The following SUPT20H variants were observed in gnomAD, a reference collection of about 807,000 sequenced individuals.
SUPT20H encodes transcription factor SPT20 homolog.
A neutral mutation model predicts 122.8 loss-of-function variants in SUPT20H; 82 were observed. That is an observed-to-expected ratio of 0.67 (90% CI 0.56 to 0.80). SUPT20H has a LOEUF of 0.80. Among genes scored for constraint, SUPT20H ranks in the 30% least tolerant of loss-of-function variants. The pLI is 0.00. For missense variants in SUPT20H, 831 were observed against 921.6 expected, an observed-to-expected ratio of 0.90 and a Z score of 1.27; for synonymous variants, 291 against 313.0, an observed-to-expected ratio of 0.93 and a Z score of 0.74.
Position 37,021,464 on chromosome 13 carries a change from C to CTGCATTGCACTGGGCAGTGCA in SUPT20H, c.1779_1799dup (p.Met599_Gln600insHisAlaLeuProSerAlaMet). Reference sequence around the variant, plus strand: ...CATTCTGACCTGCTTGAGAAGCTGCCTGCATTGCACTGGGCAGTGCATTTG... The same window carrying CTGCATTGCACTGGGCAGTGCA: ...CATTCTGACCTGCTTGAGAAGCTGCCTGCATTGCACTGGGCAGTGCATGCATTGCACTGGGCAGTGCATTTG... On this transcript the variant is annotated inframe_insertion, in exon 21 of 26. Coordinates refer to ENST00000350612, the MANE Select transcript of SUPT20H (RefSeq NM_001014286.3). 1 of 1,607,416 alleles carries CTGCATTGCACTGGGCAGTGCA rather than the reference C, an allele frequency of 6.2e-7. No homozygotes were observed. The highest frequency in any genetic ancestry group is 2.2e-5 in the East Asian group (1 of 44,748).
intron 17 of SUPT20H, 38 bp downstream of exon 17, chr13:37,025,282 A>G (rs755920964): frequency 2.0e-5 from 30 of 1,479,660 alleles, no homozygotes; most frequent in Non-Finnish European, 2.7e-5. Context: ...TACTTGTGAA[A>G]CAACTGGGCA....
At chr13:37,048,636 T>G in intron 2 of SUPT20H, 37 bp from the exon 3 acceptor site, 1 of 1,552,810 alleles carries the variant, frequency 6.4e-7, no homozygotes, top group Non-Finnish European at 8.7e-7. Flanking sequence ...TAATATTAGT[T>G]ATTTCCACAA....
intron 24 of SUPT20H, 41 bp from the exon 25 acceptor site, chr13:37,010,696 T>C (rs1243154726): frequency 1.3e-6 from 2 of 1,506,792 alleles, no homozygotes; most frequent in Non-Finnish European, 9.2e-7. Flanking sequence ...GTCAAAAAGT[T>C]TGAAGGCTAC....
chr13:37,021,613 A>G lies in SUPT20H; in HGVS notation c.1662-11T>C, dbSNP rs2061465619. 1.2e-6 allele frequency: 2 copies of G among 1,606,312 alleles called. No homozygotes were observed. The highest frequency in any genetic ancestry group is 2.2e-5 in the East Asian group (1 of 44,762). ...AAAGCCTGGGCCCCACTGCAGGAGAATAAGACAAAGCATTAAACTTCACTG... is the reference window on the plus strand; with the variant it reads ...AAAGCCTGGGCCCCACTGCAGGAGAGTAAGACAAAGCATTAAACTTCACTG... On this transcript the variant is annotated splice_polypyrimidine_tract_variant and intron_variant, in intron 20 of 25. Transcript: ENST00000350612.
intron 16 of SUPT20H, 22 bp downstream of exon 16, chr13:37,026,182 T>C: frequency 7.1e-6 from 11 of 1,558,836 alleles, no homozygotes; most frequent in Non-Finnish European, 9.5e-6. Context: ...CTGACCAAAA[T>C]AAGAGATGCA....
At chr13:37,046,676 A>G (rs936864262) in intron 5 of SUPT20H, among the ~76,000 whole-genome samples, 1 of 152,138 alleles carries the variant, frequency 6.6e-6, no homozygotes, top group African/African-American at 2.4e-5. Context: ...CACTGACATG[A>G]TGAATATGTA....
At chr13:37,029,613 G>T (rs142185725) in intron 13 of SUPT20H, 152 bp downstream of exon 13, 5 of 574,854 alleles carry the variant, frequency 8.7e-6, no homozygotes, top group Non-Finnish European at 1.5e-5. Flanking sequence ...CAAAATAGTT[G>T]TTTCTTCTTG....
At position 37,051,848 on chromosome 13, in the gene SUPT20H, C is replaced by T. The variant is rs150878516; in HGVS notation, c.-93-265G>A. Among the ~76,000 whole-genome samples the T allele has an allele frequency of 1.3e-3, 200 of 152,272 alleles. 1 individual carries two copies. Among genetic ancestry groups the T allele is most frequent in the African/African-American group, 4.6e-3 (193 of 41,550 alleles). ...TACTCCTTTTCTCAAAAATACTTAA[C>T]ATCTCCAGAGAGAAAAAAAATACAT... On this transcript the variant is annotated intron_variant, in intron 1 of 25. Transcript: ENST00000350612.
intron 24 of SUPT20H, among the ~76,000 whole-genome samples, chr13:37,011,527 CCTA>C (rs1339163508): frequency 3.3e-5 from 5 of 152,118 alleles, no homozygotes; most frequent in African/African-American, 1.2e-4. Flanking sequence ...TCCTCAAACT[CCTA>C]TCATAGTTTT....
Position 37,031,577 on chromosome 13 carries a change from G to A in SUPT20H, c.911C>T (p.Ser304Phe), listed in dbSNP as rs1169366672. Residue 304 changes from serine (S) to phenylalanine (F), a missense_variant, in exon 12 of 26, where the codon TCT becomes TTT. Coordinates refer to ENST00000350612, the MANE Select transcript of SUPT20H (RefSeq NM_001014286.3). ...CATGAACTGACTTACATCTACTTCA[G>A]AAGGTATGGCCAAATTACAGGGACT... Reference protein sequence around the residue: ...KRSPCNLAIPSEVDVEKYAKV... With the variant: ...KRSPCNLAIPFEVDVEKYAKV... 1 of 1,558,290 alleles carries A rather than the reference G, an allele frequency of 6.4e-7. No individual in the cohort carries two copies.
At chr13:37,018,643 T>C (rs1218343620) in intron 22 of SUPT20H, among the ~76,000 whole-genome samples, 1 of 152,176 alleles carries the variant, frequency 6.6e-6, no homozygotes, top group Non-Finnish European at 1.5e-5. Flanking sequence ...ACACGAGGAA[T>C]GTTGTAAATT....
chr13:37,043,111 A>G (rs1023435972), intron 7 of SUPT20H, among the ~76,000 whole-genome samples: 4 of 152,208 alleles, frequency 2.6e-5, no homozygotes, highest in African/African-American at 4.8e-5. Flanking sequence ...ATAGAGAAAG[A>G]GAAATAGAAA....
intron 25 of SUPT20H, 118 bp downstream of exon 25, chr13:37,010,434 T>G (rs906467697): frequency 1.2e-6 from 1 of 846,276 alleles, no homozygotes. Context: ...GCTAAATTAT[T>G]TACCAATTAC....
intron 9 of SUPT20H, chr13:37,038,676 A>T (rs1163625651): frequency 6.6e-6 from 1 of 152,242 alleles, no homozygotes; most frequent in East Asian, 1.9e-4. Context: ...TTGTGAGTGG[A>T]CATCTCATAT....
At chr13:37,031,493 C>A in intron 12 of SUPT20H, 74 bp downstream of exon 12, 2 of 948,224 alleles carry the variant, frequency 2.1e-6, no homozygotes, top group Non-Finnish European at 3.0e-6. Flanking sequence ...TTTTTGTTTT[C>A]TCAAGGTATA....
Position 37,021,999 on chromosome 13 carries a change from A to G in SUPT20H, c.1661+12T>C. On this transcript the variant is annotated intron_variant, in intron 20 of 25. Transcript: ENST00000350612. ...TTATAAAAAAAAAATCCGAACATCA[A>G]TGCAAACTTACCAAACAGAGCCCAC... 3 of 1,554,370 alleles carry G rather than the reference A, an allele frequency of 1.9e-6. No individual in the cohort carries two copies. The highest frequency in any genetic ancestry group is 2.6e-6 in the Non-Finnish European group (3 of 1,149,892).
chr13:37,039,246 T>G (rs927110356), intron 9 of SUPT20H: 1 of 152,190 alleles, frequency 6.6e-6, no homozygotes, highest in African/African-American at 2.4e-5. Flanking sequence ...CCAAAACCAC[T>G]GCATCCCGAT....
intron 21 of SUPT20H, 36 bp downstream of exon 21, chr13:37,021,412 A>C (rs1566153459): frequency 6.5e-7 from 1 of 1,546,006 alleles, no homozygotes; most frequent in Non-Finnish European, 8.7e-7. Flanking sequence ...ATATACTTTA[A>C]TTTTTTTTAG....
At chr13:37,026,098 G>A in intron 16 of SUPT20H, 106 bp downstream of exon 16, 2 of 867,640 alleles carry the variant, frequency 2.3e-6, no homozygotes, top group Non-Finnish European at 3.6e-6. Flanking sequence ...ATGGTTAACA[G>A]CATAACCAAA....
Sources: allele counts gnomAD v4.1 joint callset (sites outside exome capture counted in the v4.1 genomes callset), GRCh38; gene constraint gnomAD v4.1.1; transcripts MANE v1.5; gene names NCBI Gene and HGNC (gene_info 2026-07-23, HGNC 2026-07-21).